GLIPR2: variants seen among roughly 807,000 people sequenced by gnomAD.
The protein encoded by GLIPR2 is GLI pathogenesis related 2.
GLIPR2 carries 21 observed loss-of-function variants against 20.4 expected under a neutral mutation model. That is an observed-to-expected ratio of 1.03 (90% CI 0.73 to 1.48). GLIPR2 has a LOEUF of 1.48. Ranked by LOEUF, GLIPR2 falls within the 40% of genes most tolerant of loss-of-function variation. The pLI, the probability that GLIPR2 is intolerant of heterozygous loss-of-function variation, is 0.00. For synonymous variants in GLIPR2, 91 were observed against 80.5 expected (o/e 1.13, Z -0.70); for missense variants, 205 against 200.1 (o/e 1.02, Z -0.15).
chr9:36,151,285 G>A (rs796762847), intron 4 of GLIPR2, among the ~76,000 whole-genome samples: 6 of 152,180 alleles, frequency 3.9e-5, no homozygotes, highest in African/African-American at 1.4e-4. Flanking sequence ...TGGTCACCCT[G>A]TGTCTAGTCT....
chr9:36,150,945 G>T lies in GLIPR2; in HGVS notation c.300G>T (p.Gly100=), dbSNP rs759112042. ...YNFQQPGFTS[G]TGHFTAMVWK... is the part of the protein sequence containing the mutation. ...TCCAGCAGCCTGGCTTCACCTCGGG[G>T]ACTGGTGAGTGGCAGGGTCTCACCA... Residue 100 remains glycine, a synonymous_variant, in exon 4 of 5, where the codon GGG becomes GGT. Transcript: ENST00000377960. The T allele has an allele frequency of 1.2e-6, 2 of 1,612,172 alleles. No individual in the cohort carries two copies. Among genetic ancestry groups the T allele is most frequent in the Non-Finnish European group, 1.7e-6 (2 of 1,178,378 alleles).
At chr9:36,148,247 C>CAA (rs751343269) in intron 2 of GLIPR2, among the ~76,000 whole-genome samples, 5 of 130,208 alleles carry the variant, frequency 3.8e-5, no homozygotes, top group South Asian at 2.7e-4. Context: ...GACAACATCT[C>CAA]AAAAAAAAAA....
chr9:36,161,041 C>CA lies in GLIPR2; in HGVS notation c.305-1311dup, dbSNP rs201481260. On this transcript the variant is annotated intron_variant, in intron 4 of 4. Transcript: ENST00000377960. The stretch of plus-strand genomic sequence containing the variant: ...CTGGGTGACAGGGTGAGACTCGTCT[C>CA]AAAAAAAAAAGAAAAGAAAAAGAAA... 3.1e-3 allele frequency among the ~76,000 whole-genome samples: 439 copies of CA among 141,812 alleles called. 1 individual carries two copies. The highest frequency in any genetic ancestry group is 0.01 in the African/African-American group (387 of 38,470). 93.0% of individuals were successfully genotyped at this position (141,812 alleles called of 152,430 possible). A position where few individuals can be genotyped will look rare whatever the true frequency, so the allele number is the denominator to read the frequency against.
intron 4 of GLIPR2, among the ~76,000 whole-genome samples, chr9:36,151,804 C>T (rs1425003238): frequency 6.6e-6 from 1 of 152,176 alleles, no homozygotes; most frequent in Admixed American, 6.5e-5. Flanking sequence ...GCTCACCAGG[C>T]TCCTTGTCTT....
chr9:36,145,431 C>T (rs780627170), intron 1 of GLIPR2, among the ~76,000 whole-genome samples: 3 of 152,230 alleles, frequency 2.0e-5, no homozygotes, highest in Non-Finnish European at 1.5e-5. Context: ...GCCTCCCTTC[C>T]GTATGGGAGC....
In GLIPR2 at chr9:36,152,819, T is replaced by C. The variant is rs549080927; in HGVS notation, c.304+1870T>C. 4.3e-5 allele frequency among the ~76,000 whole-genome samples: 6 copies of C among 138,586 alleles called. No homozygotes were observed. In the South Asian group the frequency reaches 1.4e-3, roughly 32 times the overall value. 90.9% of individuals were successfully genotyped at this position (138,586 alleles called of 152,430 possible). A position where few individuals can be genotyped will look rare whatever the true frequency, so the allele number is the denominator to read the frequency against. On this transcript the variant is annotated intron_variant, in intron 4 of 4. Transcript: ENST00000377960. ...TAAGCATCAGGATACCATTTGAAAG[T>C]AGGGTTTGGCCAGGCGCAGTAGCTC...
At chr9:36,152,209 T>G (rs893716071) in intron 4 of GLIPR2, among the ~76,000 whole-genome samples, 101 of 151,952 alleles carry the variant, frequency 6.6e-4, no homozygotes, top group Non-Finnish European at 1.2e-3. Context: ...TGTGAATAGG[T>G]GATTCTGGGG....
At chr9:36,136,590 T>G (rs3739614), upstream of GLIPR2, 120,597 of 371,920 alleles carry the variant, frequency 0.32, 19,725 homozygotes, top group East Asian at 0.34. This position sits in a 1 kb window ranked among gnomAD's most constrained non-coding sequence, Gnocchi z 4.3. Flanking sequence ...AGGGGTGAGC[T>G]CTCCGGGAGG....
chr9:36,148,623 C>T lies in GLIPR2; in HGVS notation c.199C>T (p.Leu67Phe). The change falls in exon 3 of 5, where the codon CTT becomes TTT. Residue 67 changes from leucine (L) to phenylalanine (F), a missense_variant. Physicochemically the swap from Leu to Phe is conservative, Grantham distance 22 (BLOSUM62 0). Transcript: ENST00000377960. ...CAGCCGTGGCCAGTGTGGGGAGAAC[C>T]TTGCATGGGCATCCTATGATCAGAC... is the stretch of plus-strand genomic sequence containing the variant. ...ESSRGQCGEN[L>F]AWASYDQTGK... 1.2e-6 allele frequency: 2 copies of T among 1,613,614 alleles called. No individual in the cohort carries two copies. The highest frequency in any genetic ancestry group is 1.7e-6 in the Non-Finnish European group (2 of 1,179,544).
chr9:36,136,786 A>T lies in GLIPR2; in HGVS notation c.8A>T (p.Lys3Met), dbSNP rs961238841. ...GAGCGCGCGGAGCCGGCCATGGGCAAGTCAGGTGAGCCCGCGGGCTCGCCC... is the reference window on the plus strand; with the variant it reads ...GAGCGCGCGGAGCCGGCCATGGGCATGTCAGGTGAGCCCGCGGGCTCGCCC... MG[K>M]SASKQFHNEV... The change falls in exon 1 of 5, where the codon AAG (lysine) becomes ATG (methionine). Residue 3 changes from lysine to methionine, a missense_variant. Lys to Met is a moderately conservative substitution (Grantham distance 95). Transcript: ENST00000377960. The surrounding 1 kb of genome is among the most constrained non-coding windows in gnomAD (Gnocchi z 4.3). The T allele has an allele frequency of 2.3e-5, 30 of 1,303,160 alleles. No homozygotes were observed. In the African/African-American group the frequency reaches 4.0e-4, roughly 17 times the overall value. 80.7% of individuals were successfully genotyped at this position (1,303,160 alleles called of 1,614,324 possible). A position where few individuals can be genotyped will look rare whatever the true frequency, so the allele number is the denominator to read the frequency against.
intron 1 of GLIPR2, among the ~76,000 whole-genome samples, chr9:36,142,161 C>T (rs1416656403): frequency 6.6e-6 from 1 of 152,156 alleles, no homozygotes; most frequent in Non-Finnish European, 1.5e-5. Flanking sequence ...CTCTTCCTTC[C>T]TCTCCTTTGT....
intron 1 of GLIPR2, among the ~76,000 whole-genome samples, chr9:36,141,662 T>C (rs985430117): frequency 1.3e-5 from 2 of 152,082 alleles, no homozygotes; most frequent in African/African-American, 4.8e-5. Context: ...CTTTTTTTTC[T>C]TTTTCTTTTG....
At position 36,153,122 on chromosome 9, in the gene GLIPR2, CAAA is replaced by C. The variant is rs755775246; in HGVS notation, c.304+2191_304+2193del. On this transcript the variant is annotated intron_variant, in intron 4 of 4. Transcript: ENST00000377960. ...GGGCAACAAGGGCGAGACTCTGTCT[CAAA>C]AAAAAAAAAAAAAAAAAGAAAGTAG... 1.7e-3 allele frequency among the ~76,000 whole-genome samples: 153 copies of C among 88,424 alleles called. 1 individual carries two copies. Among genetic ancestry groups the C allele is most frequent in the African/African-American group, 5.8e-3 (136 of 23,496 alleles). 58.0% of individuals were successfully genotyped at this position (88,424 alleles called of 152,430 possible). A position where few individuals can be genotyped will look rare whatever the true frequency, so the allele number is the denominator to read the frequency against.
In GLIPR2 at chr9:36,146,600, AATAC is replaced by A. The variant is rs1445145924; in HGVS notation, c.14-1183_14-1180del. ...AATCAAAAGAAGTTATCTATTCCAAAATACATTGGTGGGACAGGCATAGGATAGA... is the reference window on the plus strand; with the variant it reads ...AATCAAAAGAAGTTATCTATTCCAAAATTGGTGGGACAGGCATAGGATAGA... On this transcript the variant is annotated intron_variant, in intron 1 of 4. Coordinates refer to ENST00000377960, the MANE Select transcript of GLIPR2 (RefSeq NM_022343.4). Among the ~76,000 whole-genome samples, 5 of 152,312 alleles carry A rather than the reference AATAC, an allele frequency of 3.3e-5. No individual in the cohort carries two copies. In the East Asian group the frequency reaches 7.7e-4, roughly 23 times the overall value.
chr9:36,139,261 G>A (rs982851025), intron 1 of GLIPR2, among the ~76,000 whole-genome samples: 7 of 152,042 alleles, frequency 4.6e-5, no homozygotes, highest in African/African-American at 1.7e-4. Context: ...GGGGGCCAGT[G>A]GCAGAAAGCA....
intron 1 of GLIPR2, among the ~76,000 whole-genome samples, chr9:36,140,494 C>T (rs1181060532): frequency 6.6e-6 from 1 of 152,084 alleles, no homozygotes; most frequent in Non-Finnish European, 1.5e-5. Context: ...GATGGGAAAC[C>T]TGGGGCCCAG....
intron 4 of GLIPR2, 174 bp downstream of exon 4, chr9:36,151,123 T>C (rs1825566101): frequency 1.7e-6 from 1 of 604,886 alleles, no homozygotes; most frequent in Non-Finnish European, 3.0e-6. Flanking sequence ...CTTTCCGCAT[T>C]ACATCCCCAG....
chr9:36,155,591 C>CAA (rs983037240), intron 4 of GLIPR2, among the ~76,000 whole-genome samples: 1 of 137,640 alleles, frequency 7.3e-6, no homozygotes, highest in African/African-American at 2.7e-5. Context: ...GAGACTGTCT[C>CAA]AAAAAAAAAA....
At chr9:36,154,168 C>G (rs1428696725) in intron 4 of GLIPR2, among the ~76,000 whole-genome samples, 1 of 150,426 alleles carries the variant, frequency 6.6e-6, no homozygotes, top group Non-Finnish European at 1.5e-5. Context: ...AATCTCGGCT[C>G]ACTGCAACCT....
Sources: gnomAD v4.1 joint callset for allele counts (sites outside exome capture counted in the v4.1 genomes callset) on GRCh38, gnomAD v4.1.1 for gene constraint, Gnocchi (gnomAD v3.1) non-coding constraint, MANE v1.5 for transcripts, NCBI Gene and HGNC (gene_info 2026-07-23, HGNC 2026-07-21) for gene names.